The following EPHA6 variants were observed in gnomAD, a reference collection of about 807,000 sequenced individuals.
EPHA6 encodes the protein ephrin type-A receptor 6.
In EPHA6, 50 loss-of-function variants were observed where a neutral mutation model predicts 112.0. The observed-to-expected ratio is 0.45, with a 90% CI of 0.36 to 0.56. EPHA6 has a LOEUF of 0.56. Ranked by LOEUF, EPHA6 falls within the 20% of genes least tolerant of loss-of-function variation. The probability of loss-of-function intolerance (pLI) is 0.00; values close to 1 mark genes in which losing one functional copy is unlikely to be tolerated. For missense variants in EPHA6, 1,280 were observed against 1,417.4 expected, an observed-to-expected ratio of 0.90 and a Z score of 1.56; for synonymous variants, 529 against 490.7, an observed-to-expected ratio of 1.08 and a Z score of -1.03.
chr3:97,010,978 G>A (rs918475715), intron 3 of EPHA6, among the ~76,000 whole-genome samples: 4 of 152,210 alleles, frequency 2.6e-5, no homozygotes, highest in Non-Finnish European at 5.9e-5. Context: ...TGTATGTGGT[G>A]CGTGTGTGTG....
intron 2 of EPHA6, among the ~76,000 whole-genome samples, chr3:96,897,211 A>AACAC (rs57409609): frequency 0.067 from 9,547 of 143,380 alleles, 567 homozygotes; most frequent in Admixed American, 0.21. Flanking sequence ...TGTATATACA[A>AACAC]ACACACACAC....
chr3:97,174,385 A>G (rs2076778704), intron 3 of EPHA6, among the ~76,000 whole-genome samples: 1 of 151,814 alleles, frequency 6.6e-6, no homozygotes, highest in Non-Finnish European at 1.5e-5. Flanking sequence ...TCTTTAATAT[A>G]CTGATTTCCT....
At chr3:96,965,908 G>C (rs1028569734) in intron 2 of EPHA6, among the ~76,000 whole-genome samples, 3 of 152,008 alleles carry the variant, frequency 2.0e-5, no homozygotes, top group Non-Finnish European at 2.9e-5. Flanking sequence ...GTTGCACTGT[G>C]ATTTTGTATG....
intron 14 of EPHA6, among the ~76,000 whole-genome samples, chr3:97,672,790 C>T (rs905520504): frequency 8.5e-5 from 13 of 152,290 alleles, no homozygotes; most frequent in African/African-American, 2.6e-4. Context: ...TAAATGACTA[C>T]TCACAAGATC....
rs2093615111 is a variant in EPHA6, at chr3:97,598,625, A to G, written c.2512+5888A>G. Among the ~76,000 whole-genome samples the G allele has an allele frequency of 2.0e-5, 3 of 152,004 alleles. 1 individual carries two copies. The South Asian group carries it at 6.3e-4, about 32-fold the overall frequency. On this transcript the variant is annotated intron_variant, in intron 12 of 17. Coordinates refer to ENST00000389672, the MANE Select transcript of EPHA6 (RefSeq NM_001080448.3). The stretch of plus-strand genomic sequence containing the variant: ...AATTTTTCTGGCTGCATAGTATTCC[A>G]TGGTGTATATGTGCCACATTTTCTT...
chr3:97,195,419 G>A (rs945720315), intron 3 of EPHA6, among the ~76,000 whole-genome samples: 23 of 151,790 alleles, frequency 1.5e-4, no homozygotes, highest in Non-Finnish European at 2.5e-4. Context: ...CCTTTTTGTT[G>A]TTTCTATATA....
At chr3:97,589,385 C>A (rs1201848958) in intron 11 of EPHA6, among the ~76,000 whole-genome samples, 1 of 152,036 alleles carries the variant, frequency 6.6e-6, no homozygotes, top group Non-Finnish European at 1.5e-5. Context: ...CAGAAGGAAG[C>A]ATGCAGGCCA....
At chr3:97,330,298 T>C (rs986201529) in intron 5 of EPHA6, among the ~76,000 whole-genome samples, 6 of 152,232 alleles carry the variant, frequency 3.9e-5, no homozygotes, top group East Asian at 1.9e-4. Context: ...CTTGGCAATG[T>C]GGGCTCTTTT....
chr3:97,740,475 T>C (rs1232906071), intron 16 of EPHA6, among the ~76,000 whole-genome samples: 1 of 152,110 alleles, frequency 6.6e-6, no homozygotes, highest in Non-Finnish European at 1.5e-5. Context: ...AGACACCTTA[T>C]GTACTGTATA....
At chr3:97,566,712 T>G (rs1277621098) in intron 11 of EPHA6, among the ~76,000 whole-genome samples, 1 of 152,212 alleles carries the variant, frequency 6.6e-6, no homozygotes, top group Non-Finnish European at 1.5e-5. Context: ...GGATCTAGGA[T>G]TCTTTGAAAA....
At chr3:97,370,994 G>GGGCTCAT (rs1353469198) in intron 5 of EPHA6, among the ~76,000 whole-genome samples, 2 of 151,828 alleles carry the variant, frequency 1.3e-5, no homozygotes, top group African/African-American at 4.8e-5. Flanking sequence ...GTTGATTTCT[G>GGGCTCAT]GGCTCATAAG....
rs758237072 is a variant in EPHA6 at position 97,457,804 on chromosome 3, T to C, written c.1894+9074T>C. Among the ~76,000 whole-genome samples, 38 of 152,048 alleles carry C rather than the reference T, an allele frequency of 2.5e-4. No homozygotes were observed. In the Middle Eastern group the frequency reaches 0.01, roughly 41 times the overall value. On this transcript the variant is annotated intron_variant, in intron 7 of 17. Transcript: ENST00000389672. ...CTTAATGGCCGGGCGCGGTGGCTCA[T>C]GCCTGTAATCCCAGCACTTTGGAAG...
At chr3:97,559,471 A>C (rs2093159003) in intron 11 of EPHA6, 1 of 318,794 alleles carries the variant, frequency 3.1e-6, no homozygotes, top group African/African-American at 2.2e-5. Flanking sequence ...GAAACAAAGA[A>C]ATTCTGAATC....
At chr3:97,196,988 C>G (rs1050770368) in intron 3 of EPHA6, among the ~76,000 whole-genome samples, 1 of 151,706 alleles carries the variant, frequency 6.6e-6, no homozygotes, top group East Asian at 2.0e-4. Context: ...CTGGCTACCA[C>G]CAATATTCAC....
intron 14 of EPHA6, among the ~76,000 whole-genome samples, chr3:97,662,786 A>G (rs1165639275): frequency 6.6e-6 from 1 of 152,248 alleles, no homozygotes; most frequent in African/African-American, 2.4e-5. Context: ...AGTACGCTGT[A>G]TCCAAGTGAC....
At chr3:97,649,321 GA>G (rs975573552) in intron 14 of EPHA6, among the ~76,000 whole-genome samples, 3 of 151,906 alleles carry the variant, frequency 2.0e-5, no homozygotes, top group African/African-American at 7.3e-5. Flanking sequence ...CAGTATGGGG[GA>G]AACCACCCCA....
intron 11 of EPHA6, among the ~76,000 whole-genome samples, chr3:97,545,835 C>G (rs2092937839): frequency 1.3e-5 from 2 of 152,118 alleles, no homozygotes; most frequent in African/African-American, 4.8e-5. Context: ...TTCTTTTTCT[C>G]CTTTGATCTT....
At position 97,085,928 on chromosome 3, in the gene EPHA6, C is replaced by CATATATATATATATATATATAT. The variant is rs67777487; in HGVS notation, c.1114+97956_1114+97957insTATATATATATATATATATATA. 5.5e-3 allele frequency among the ~76,000 whole-genome samples: 662 copies of CATATATATATATATATATATAT among 119,356 alleles called. 34 individuals carry two copies. The highest frequency in any genetic ancestry group is 0.026 in the African/African-American group (575 of 22,222). The allele number at this position is 119,356 out of a possible 152,430, so 78.3% of individuals were successfully genotyped here. On this transcript the variant is annotated intron_variant, in intron 3 of 17. Transcript: ENST00000389672. ...TTGTGAGCTTTTATATATATGATGTCATATATATATATATATATATACACA... is the reference window on the plus strand; with the variant it reads ...TTGTGAGCTTTTATATATATGATGTCATATATATATATATATATATATATATATATATATATATATATACACA...
chr3:97,587,109 G>A (rs865881263), intron 11 of EPHA6, among the ~76,000 whole-genome samples: 2 of 152,058 alleles, frequency 1.3e-5, no homozygotes, highest in Non-Finnish European at 2.9e-5. Context: ...CGGACATGGC[G>A]GCGGGCACCT....
Sources: gnomAD v4.1 joint callset for allele counts (sites outside exome capture counted in the v4.1 genomes callset) on GRCh38, gnomAD v4.1.1 for gene constraint, MANE v1.5 for transcripts, NCBI Gene and HGNC (gene_info 2026-07-23, HGNC 2026-07-21) for gene names.